Variants in TLL2 observed in about 807,000 individuals in gnomAD.
TLL2 encodes the protein tolloid like 2.
A neutral mutation model predicts 123.0 loss-of-function variants in TLL2; 106 were observed. That is an observed-to-expected ratio of 0.86 (90% CI 0.74 to 1.01). TLL2 has a LOEUF of 1.01. TLL2 is among the 50% of genes least tolerant of loss of function. The probability of loss-of-function intolerance (pLI) is 0.00; values close to 1 mark genes in which losing one functional copy is unlikely to be tolerated. For synonymous variants in TLL2, 494 were observed against 516.8 expected (o/e 0.96, Z 0.60); for missense variants, 1,332 against 1,336.7 (o/e 1.00, Z 0.06).
chr10:96,390,667 G>A (rs112307118), intron 13 of TLL2, among the ~76,000 whole-genome samples: 26 of 152,348 alleles, frequency 1.7e-4, no homozygotes, highest in African/African-American at 6.3e-4. Flanking sequence ...TCTTTCACTG[G>A]AGAAGTTCTG....
chr10:96,418,570 A>G (rs1292094753), intron 7 of TLL2, among the ~76,000 whole-genome samples: 2 of 152,074 alleles, frequency 1.3e-5, no homozygotes, highest in African/African-American at 4.8e-5. Flanking sequence ...TTGAATACCT[A>G]CTAGGTGCCA....
chr10:96,398,875 T>A (rs565167195), intron 10 of TLL2, among the ~76,000 whole-genome samples: 1 of 145,776 alleles, frequency 6.9e-6, no homozygotes, highest in Non-Finnish European at 1.5e-5. Flanking sequence ...ATTCTTTTTT[T>A]TTTTTTTTTT....
intron 7 of TLL2, among the ~76,000 whole-genome samples, chr10:96,415,158 C>T (rs192597804): frequency 7.9e-5 from 12 of 152,308 alleles, no homozygotes; most frequent in Non-Finnish European, 1.5e-4. Flanking sequence ...TTCTGCCTTC[C>T]TCTCCAGCCT....
rs750978755 is a variant in TLL2 at position 96,366,204 on chromosome 10, G to A, written c.*1884C>T. The A allele has an allele frequency of 6.6e-6, 1 of 152,574 alleles. No individual in the cohort carries two copies. The highest frequency in any genetic ancestry group is 1.5e-5 in the Non-Finnish European group (1 of 68,064). The allele number at this position is 152,574 out of a possible 1,614,324, so 9.5% of individuals were successfully genotyped here. A position where few individuals can be genotyped will look rare whatever the true frequency, so the allele number is the denominator to read the frequency against. On this transcript the variant is annotated 3_prime_UTR_variant, in exon 21 of 21. Transcript: ENST00000357947. ...CAGGCAGGTGGGATTGGAGCCATGA[G>A]GTCAGCTGCTCCATTTGCTGTATCA...
At chr10:96,506,077 C>A (rs1392704372) in intron 1 of TLL2, among the ~76,000 whole-genome samples, 2 of 151,566 alleles carry the variant, frequency 1.3e-5, no homozygotes, top group Non-Finnish European at 2.9e-5. Context: ...CCTGGGGAAA[C>A]CCTGTCTCTA....
chr10:96,400,276 A>C (rs1449818102), intron 10 of TLL2, among the ~76,000 whole-genome samples: 2 of 147,658 alleles, frequency 1.4e-5, no homozygotes, highest in Non-Finnish European at 2.9e-5. Flanking sequence ...CAAAGCTGTA[A>C]GTAAGAGCAG....
intron 10 of TLL2, among the ~76,000 whole-genome samples, chr10:96,398,382 C>A (rs578038690): frequency 6.6e-6 from 1 of 152,198 alleles, no homozygotes; most frequent in Non-Finnish European, 1.5e-5. Context: ...ATGCCCCCCG[C>A]CACCACCATG....
At chr10:96,448,422 C>G (rs1225100118) in intron 2 of TLL2, among the ~76,000 whole-genome samples, 3 of 149,200 alleles carry the variant, frequency 2.0e-5, no homozygotes, top group Non-Finnish European at 4.4e-5. Context: ...CTCAGCTGTG[C>G]AACTGTGGTG....
chr10:96,448,415 A>C (rs1846921272), intron 2 of TLL2, among the ~76,000 whole-genome samples: 1 of 151,656 alleles, frequency 6.6e-6, no homozygotes. Flanking sequence ...AGCCTCACTC[A>C]GCTGTGCAAC....
chr10:96,490,674 A>G (rs971273843), intron 1 of TLL2, among the ~76,000 whole-genome samples: 2 of 152,246 alleles, frequency 1.3e-5, no homozygotes, highest in Non-Finnish European at 2.9e-5. Context: ...AGTTATGTCT[A>G]TGGATTCGAC....
At chr10:96,369,921 A>C (rs1277692370) in intron 20 of TLL2, 144 bp downstream of exon 20, 1 of 1,204,496 alleles carries the variant, frequency 8.3e-7, no homozygotes, top group Non-Finnish European at 1.1e-6. Context: ...CCTGCTTCCC[A>C]CTCCGCTTCT....
chr10:96,426,988 G>C (rs1158421158), intron 5 of TLL2, among the ~76,000 whole-genome samples: 1 of 152,142 alleles, frequency 6.6e-6, no homozygotes, highest in East Asian at 1.9e-4. Context: ...GGGTGATGTG[G>C]ATACTTAAGT....
intron 2 of TLL2, among the ~76,000 whole-genome samples, chr10:96,474,277 A>T (rs1169427723): frequency 6.6e-6 from 1 of 152,288 alleles, no homozygotes; most frequent in African/African-American, 2.4e-5. Context: ...GAATGGGCCC[A>T]TCGGAGAATG....
At chr10:96,435,615 C>T (rs1589421921) in intron 3 of TLL2, among the ~76,000 whole-genome samples, 2 of 152,166 alleles carry the variant, frequency 1.3e-5, no homozygotes, top group Admixed American at 1.3e-4. Context: ...GGTCTTTGAT[C>T]CATTTTTAGT....
At chr10:96,466,870 C>T (rs749296653) in intron 2 of TLL2, among the ~76,000 whole-genome samples, 7 of 152,216 alleles carry the variant, frequency 4.6e-5, no homozygotes, top group Non-Finnish European at 1.0e-4. Context: ...CCAAAGGACT[C>T]ATTCTTGGAC....
In TLL2 at chr10:96,405,239, G is replaced by C. The variant is rs148869698; in HGVS notation, c.1260C>G (p.Pro420=). The C allele has an allele frequency of 3.1e-6, 5 of 1,613,942 alleles. No homozygotes were observed. Among genetic ancestry groups the C allele is most frequent in the Admixed American group, 3.3e-5 (2 of 59,998 alleles). The change falls in exon 10 of 21, where the codon CCC becomes CCG. Residue 420 remains proline, a synonymous_variant. Coordinates refer to ENST00000357947, the MANE Select transcript of TLL2 (RefSeq NM_012465.4). ...TGTCTAAAGTCAACTTACCCAAAAG[G>C]GGGGCTTTTCTCCAGTAACCATCCC... ...EVRDGYWRKA[P]LLGRFCGDKI...
At chr10:96,396,794 T>C (rs1450453578) in intron 11 of TLL2, among the ~76,000 whole-genome samples, 3 of 152,146 alleles carry the variant, frequency 2.0e-5, no homozygotes, top group African/African-American at 7.2e-5. Context: ...AAGTCTTCTT[T>C]TCACAAAGGA....
intron 5 of TLL2, among the ~76,000 whole-genome samples, chr10:96,425,693 A>T (rs1344882432): frequency 1.3e-5 from 2 of 151,898 alleles, no homozygotes; most frequent in African/African-American, 4.8e-5. Context: ...TTAATTAATT[A>T]ATTTTGTGGT....
intron 3 of TLL2, among the ~76,000 whole-genome samples, chr10:96,444,735 TATG>T (rs1304069767): frequency 4.6e-5 from 7 of 152,204 alleles, no homozygotes; most frequent in African/African-American, 1.7e-4. Flanking sequence ...CTTTTAAAAG[TATG>T]ATGATATTAT....
Sources: allele counts gnomAD v4.1 joint callset (sites outside exome capture counted in the v4.1 genomes callset), GRCh38; gene constraint gnomAD v4.1.1; transcripts MANE v1.5; gene names NCBI Gene and HGNC (gene_info 2026-07-23, HGNC 2026-07-21).